Variants in NCKAP5 observed in about 807,000 individuals in gnomAD.
NCKAP5 encodes NCK associated protein 5.
NCKAP5 carries 92 observed loss-of-function variants against 167.0 expected under a neutral mutation model. The ratio of observed to expected loss-of-function variants is 0.55; its 90% CI spans 0.47 to 0.66. NCKAP5 has a LOEUF of 0.66. NCKAP5 is among the 30% of genes least tolerant of loss of function. The pLI is 0.00. For synonymous variants in NCKAP5, 891 were observed against 877.4 expected (o/e 1.02, Z -0.27); for missense variants, 2,378 against 2,315.0 (o/e 1.03, Z -0.56).
chr2:133,458,343 C>T (rs1293268199), intron 3 of NCKAP5, among the ~76,000 whole-genome samples: 1 of 152,128 alleles, frequency 6.6e-6, no homozygotes, highest in Non-Finnish European at 1.5e-5. Flanking sequence ...GTTTTCATCC[C>T]TCTTCCTCAT....
intron 5 of NCKAP5, among the ~76,000 whole-genome samples, chr2:133,210,610 A>AT (rs1184328186): frequency 1.3e-5 from 2 of 152,166 alleles, no homozygotes; most frequent in Admixed American, 6.5e-5. Flanking sequence ...GAACAGCCTG[A>AT]TTTTTTAGGA....
At chr2:133,181,893 G>A (rs2084756321) in intron 5 of NCKAP5, among the ~76,000 whole-genome samples, 1 of 152,020 alleles carries the variant, frequency 6.6e-6, no homozygotes, top group Non-Finnish European at 1.5e-5. Flanking sequence ...ATAATATAAT[G>A]ATATAGATAG....
chr2:133,511,014 T>C (rs1370030434), intron 3 of NCKAP5, among the ~76,000 whole-genome samples: 3 of 152,202 alleles, frequency 2.0e-5, no homozygotes, highest in Non-Finnish European at 4.4e-5. Flanking sequence ...CTACTATTAC[T>C]AAGGGAAGGA....
chr2:132,969,488 T>A (rs539952553), intron 7 of NCKAP5, among the ~76,000 whole-genome samples: 25 of 152,290 alleles, frequency 1.6e-4, no homozygotes, highest in African/African-American at 5.5e-4. Context: ...GGGAAGTGAC[T>A]CAAGGAAAGG....
chr2:132,833,751 G>T (rs4953999), intron 11 of NCKAP5, among the ~76,000 whole-genome samples: 10,513 of 152,124 alleles, frequency 0.069, 722 homozygotes, highest in African/African-American at 0.16. Flanking sequence ...ATGCCATTTT[G>T]ATTACTATAG....
At chr2:133,543,931 C>T (rs1023453937) in intron 2 of NCKAP5, among the ~76,000 whole-genome samples, 2 of 152,214 alleles carry the variant, frequency 1.3e-5, no homozygotes, top group African/African-American at 4.8e-5. Flanking sequence ...ACAGAAGCCA[C>T]AGCTCATTTA....
intron 8 of NCKAP5, among the ~76,000 whole-genome samples, chr2:132,927,894 C>T (rs1696038911): frequency 6.6e-6 from 1 of 152,126 alleles, no homozygotes. Flanking sequence ...ACCTTCTACT[C>T]TTTCTTATGG....
At chr2:133,624,962 G>A in the NCKAP5 span, among the ~76,000 whole-genome samples, 25 of 152,172 alleles carry the variant, frequency 1.6e-4, no homozygotes, top group African/African-American at 5.8e-4. Flanking sequence ...AAAGTAACCT[G>A]TATCTGGGCG....
At chr2:133,536,178 G>C (rs1238311480) in intron 2 of NCKAP5, among the ~76,000 whole-genome samples, 34 of 151,960 alleles carry the variant, frequency 2.2e-4, no homozygotes, top group Non-Finnish European at 1.5e-5. Context: ...TTGTTGCATT[G>C]GCTTTTGAGG....
upstream of NCKAP5, among the ~76,000 whole-genome samples, chr2:133,569,115 T>C (rs11901215): frequency 0.043 from 6,569 of 152,146 alleles, 514 homozygotes; most frequent in African/African-American, 0.15. Flanking sequence ...AAAAAACAAA[T>C]AAATAAGAAT....
chr2:132,756,362 T>C (rs16840707), intron 16 of NCKAP5, among the ~76,000 whole-genome samples: 19,994 of 152,082 alleles, frequency 0.13, 1,403 homozygotes, highest in African/African-American at 0.18. Context: ...CCTCAAAAAG[T>C]TGCAGAAACT....
intron 12 of NCKAP5, among the ~76,000 whole-genome samples, chr2:132,795,565 A>G (rs561429549): frequency 3.0e-4 from 46 of 152,292 alleles, no homozygotes; most frequent in African/African-American, 1.1e-3. Context: ...TCATGCCTGT[A>G]ATCCCAACAC....
chr2:133,330,655 G>T (rs1301316835), intron 3 of NCKAP5, among the ~76,000 whole-genome samples: 1 of 152,102 alleles, frequency 6.6e-6, no homozygotes, highest in Non-Finnish European at 1.5e-5. Context: ...TTGGGAGGTT[G>T]AATCAGGAGG....
At chr2:133,416,233 A>G (rs1689100201) in intron 3 of NCKAP5, among the ~76,000 whole-genome samples, 1 of 152,224 alleles carries the variant, frequency 6.6e-6, no homozygotes, top group South Asian at 2.1e-4. Flanking sequence ...TTTCCTTCAG[A>G]GAATAAAACT....
chr2:133,444,271 G>T (rs995172582), intron 3 of NCKAP5, among the ~76,000 whole-genome samples: 1 of 151,974 alleles, frequency 6.6e-6, no homozygotes, highest in Non-Finnish European at 1.5e-5. Flanking sequence ...CTATCTCAGC[G>T]CTGTTTAAGC....
At chr2:133,381,194 C>T (rs951110322) in intron 3 of NCKAP5, among the ~76,000 whole-genome samples, 2 of 145,948 alleles carry the variant, frequency 1.4e-5, no homozygotes, top group Non-Finnish European at 3.1e-5. Context: ...GGCACTTAGG[C>T]TGCTGCCAGT....
chr2:133,074,103 A>G (rs1331177498), intron 6 of NCKAP5, among the ~76,000 whole-genome samples: 1 of 152,214 alleles, frequency 6.6e-6, no homozygotes, highest in Non-Finnish European at 1.5e-5. Flanking sequence ...GACATACACC[A>G]AAGACTACTC....
At chr2:132,745,765 G>A (rs886731829) in intron 16 of NCKAP5, among the ~76,000 whole-genome samples, 2 of 151,854 alleles carry the variant, frequency 1.3e-5, no homozygotes, top group Non-Finnish European at 2.9e-5. Context: ...ATCATACAAG[G>A]ATAATTTAGC....
chr2:133,373,114 C>T (rs1271198241), intron 3 of NCKAP5, among the ~76,000 whole-genome samples: 1 of 152,170 alleles, frequency 6.6e-6, no homozygotes, highest in Non-Finnish European at 1.5e-5. Context: ...GGCTGGGGTG[C>T]AATGGCATGA....
Sources: gnomAD v4.1 joint callset for allele counts (sites outside exome capture counted in the v4.1 genomes callset) on GRCh38, gnomAD v4.1.1 for gene constraint, MANE v1.5 for transcripts, NCBI Gene and HGNC (gene_info 2026-07-23, HGNC 2026-07-21) for gene names.